GPAM: variants seen among roughly 807,000 people sequenced by gnomAD.
GPAM encodes glycerol-3-phosphate acyltransferase, mitochondrial.
In GPAM, 56 loss-of-function variants were observed where a neutral mutation model predicts 105.0. The ratio of observed to expected loss-of-function variants is 0.53; its 90% CI spans 0.43 to 0.67. The LOEUF is 0.67. Ranked by LOEUF, GPAM falls within the 30% of genes least tolerant of loss-of-function variation. GPAM has a pLI of 0.00. For missense variants in GPAM, 855 were observed against 989.8 expected, an observed-to-expected ratio of 0.86 and a Z score of 1.83; for synonymous variants, 368 against 354.4, an observed-to-expected ratio of 1.04 and a Z score of -0.43.
upstream of GPAM, among the ~76,000 whole-genome samples, chr10:112,217,693 T>TCCCTACAA (rs1847984892): frequency 6.6e-6 from 1 of 152,206 alleles, no homozygotes; most frequent in Admixed American, 6.5e-5. Flanking sequence ...CATGTAACCC[T>TCCCTACAA]CCCTACAACC....
upstream of GPAM, among the ~76,000 whole-genome samples, chr10:112,186,917 C>T (rs1469388287): frequency 2.6e-5 from 4 of 152,102 alleles, no homozygotes; most frequent in South Asian, 2.1e-4. Context: ...GGGTTTATAA[C>T]ATGTACAAAT....
At chr10:112,202,718 C>T (rs1365112844) in intron 1 of GPAM, among the ~76,000 whole-genome samples, 5 of 152,158 alleles carry the variant, frequency 3.3e-5, no homozygotes, top group Non-Finnish European at 4.4e-5. Context: ...CTGTTAAAAA[C>T]CCTTCTTCTT....
chr10:112,186,188 G>A (rs1231663319), upstream of GPAM, among the ~76,000 whole-genome samples: 2 of 151,902 alleles, frequency 1.3e-5, no homozygotes, highest in Non-Finnish European at 2.9e-5. Context: ...AATGACAGCA[G>A]ATTTCACATC....
intron 1 of GPAM, among the ~76,000 whole-genome samples, chr10:112,196,862 C>T (rs1160909847): frequency 1.3e-5 from 2 of 152,216 alleles, no homozygotes; most frequent in Non-Finnish European, 2.9e-5. Context: ...TCTGATTCTG[C>T]TTACAAGGTA....
chr10:112,208,811 TA>T (rs746152562), intron 1 of GPAM, among the ~76,000 whole-genome samples: 3 of 152,154 alleles, frequency 2.0e-5, no homozygotes, highest in African/African-American at 4.8e-5. Context: ...AGTAATGCTT[TA>T]AAATCCCAAC....
At chr10:112,168,278 T>C (rs1240647035) in intron 11 of GPAM, 34 bp downstream of exon 11, 1 of 1,200,652 alleles carries the variant, frequency 8.3e-7, no homozygotes, top group East Asian at 2.3e-5. Flanking sequence ...AAAGACTTGA[T>C]AAGCAAAGAA....
intron 1 of GPAM, among the ~76,000 whole-genome samples, chr10:112,204,923 G>A (rs557315251): frequency 3.4e-4 from 33 of 97,610 alleles, no homozygotes; most frequent in African/African-American, 1.3e-3. Context: ...AAACCCCATC[G>A]TCTCAGCCCA....
rs1039502328 is a variant in GPAM at position 112,180,799 on chromosome 10, G to C, written c.103-204C>G. 2.0e-5 allele frequency among the ~76,000 whole-genome samples: 3 copies of C among 152,202 alleles called. No homozygotes were observed. The South Asian group carries it at 6.2e-4, about 32-fold the overall frequency. On this transcript the variant is annotated intron_variant, in intron 3 of 21. Transcript: ENST00000348367. ...AGCTGAGCACCCAAGGATAGTAATA[G>C]CTACACACTGAAGGCAGTATTCAAA...
chr10:112,158,512 A>G, intron 17 of GPAM, 119 bp from the exon 18 acceptor site: 1 of 709,590 alleles, frequency 1.4e-6, no homozygotes, highest in Non-Finnish European at 2.5e-6. Context: ...CCATCACCCC[A>G]CTGAGCAAGT....
At chr10:112,168,648 T>C in intron 10 of GPAM, 124 bp from the exon 11 acceptor site, 1 of 746,264 alleles carries the variant, frequency 1.3e-6, no homozygotes, top group Non-Finnish European at 2.4e-6. Flanking sequence ...CAAAGTATCT[T>C]ATTCACACTA....
Position 112,159,990 on chromosome 10 carries a change from T to G in GPAM, c.1823A>C (p.Asn608Thr), listed in dbSNP as rs866001521. 6.2e-7 allele frequency: 1 copy of G among 1,613,686 alleles called. No homozygotes were observed. Among genetic ancestry groups the G allele is most frequent in the Non-Finnish European group, 8.5e-7 (1 of 1,179,788 alleles). Residue 608 changes from asparagine to threonine, a missense_variant, in exon 17 of 22, where the codon AAC (asparagine) becomes ACC (threonine). Coordinates refer to ENST00000348367, the MANE Select transcript of GPAM (RefSeq NM_001244949.2). The part of the protein sequence containing the change: ...GLGGPTSTPP[N>T]LISQEQLVRK... The stretch of plus-strand genomic sequence containing the variant: ...CACCAGCTGCTCCTGGCTGATCAGG[T>G]TAGGTGGGGTGCTAGTGGGACCCCC...
Position 112,153,605 on chromosome 10 carries a change from G to A in GPAM, c.2432C>T (p.Pro811Leu), listed in dbSNP as rs774530128. ...TAGAAGTTTTTGTCGGTTGCATTGA[G>A]GTAGAAAAGTGCTGCTCAGTTCTAA... ...SVLELSSTFL[P>L]QCNRQKLLEY... The change falls in exon 22 of 22, where the codon CCT becomes CTT. Residue 811 changes from proline to leucine, a missense_variant. Transcript: ENST00000348367. The A allele has an allele frequency of 6.2e-7, 1 of 1,613,690 alleles. No homozygotes were observed. The highest frequency in any genetic ancestry group is 1.3e-5 in the African/African-American group (1 of 74,862).
At chr10:112,196,216 A>G (rs1483512904) in intron 1 of GPAM, among the ~76,000 whole-genome samples, 6 of 152,212 alleles carry the variant, frequency 3.9e-5, no homozygotes, top group Admixed American at 3.3e-4. Flanking sequence ...GTCTTTGTCA[A>G]TAGGAAAGAA....
chr10:112,182,944 T>C (rs1847534414), intron 1 of GPAM, 53 bp from the exon 2 acceptor site: 1 of 152,266 alleles, frequency 6.6e-6, no homozygotes, highest in Non-Finnish European at 1.5e-5. Context: ...GGCTCGTTTG[T>C]GCCAACAGGA....
At position 112,168,904 on chromosome 10, in the gene GPAM, A is replaced by G. The variant is rs1298733480; in HGVS notation, c.843T>C (p.Asp281=). 1 of 1,612,806 alleles carries G rather than the reference A, an allele frequency of 6.2e-7. No individual in the cohort carries two copies. Among genetic ancestry groups the G allele is most frequent in the East Asian group, 2.2e-5 (1 of 44,874 alleles). ...LGGFFIRRRL[D]ETPDGRKDVL... is the part of the protein sequence containing the mutation. The stretch of plus-strand genomic sequence containing the variant: ...CATCTTTCCGTCCATCTGGTGTTTC[A>G]TCGAGCCTTCGTCGTATGAAGAAGC... The change falls in exon 10 of 22, where the codon GAT becomes GAC. Residue 281 remains aspartate (D), a synonymous_variant. Coordinates refer to ENST00000348367, the MANE Select transcript of GPAM (RefSeq NM_001244949.2).
In GPAM at chr10:112,160,002, C is replaced by T; in HGVS notation, c.1811G>A (p.Ser604Asn). The T allele has an allele frequency of 6.2e-7, 1 of 1,613,182 alleles. No homozygotes were observed. Among genetic ancestry groups the T allele is most frequent in the Non-Finnish European group, 8.5e-7 (1 of 1,179,144 alleles). The change falls in exon 17 of 22, where the codon AGC becomes AAC. Residue 604 changes from serine to asparagine, a missense_variant. Coordinates refer to ENST00000348367, the MANE Select transcript of GPAM (RefSeq NM_001244949.2). ...CTGGCTGATCAGGTTAGGTGGGGTG[C>T]TAGTGGGACCCCCCAGTCCCCTCTT... ...LNKRGLGGPTSTPPNLISQEQ... is the reference protein window; with the variant it reads ...LNKRGLGGPTNTPPNLISQEQ...
At chr10:112,186,441 A>C (rs1393484936), upstream of GPAM, among the ~76,000 whole-genome samples, 1 of 152,076 alleles carries the variant, frequency 6.6e-6, no homozygotes, top group African/African-American at 2.4e-5. Flanking sequence ...ATGCTGTCAG[A>C]TGGAATTCTG....
At chr10:112,201,461 T>C (rs571475047) in intron 1 of GPAM, among the ~76,000 whole-genome samples, 1 of 152,228 alleles carries the variant, frequency 6.6e-6, no homozygotes, top group East Asian at 1.9e-4. Context: ...TCCTCCCTGG[T>C]CCTCTATCAC....
At chr10:112,201,772 T>C (rs73359228) in intron 1 of GPAM, among the ~76,000 whole-genome samples, 5,480 of 152,292 alleles carry the variant, frequency 0.036, 219 homozygotes, top group African/African-American at 0.1. Context: ...TCTTCCTCAT[T>C]AGAATGTGAG....
Sources: gnomAD v4.1 joint callset for allele counts (sites outside exome capture counted in the v4.1 genomes callset) on GRCh38, gnomAD v4.1.1 for gene constraint, MANE v1.5 for transcripts, NCBI Gene and HGNC (gene_info 2026-07-23, HGNC 2026-07-21) for gene names.